The following KIRREL3 variants were observed in gnomAD, a reference collection of about 807,000 sequenced individuals.
The protein encoded by KIRREL3 is kirre like nephrin family adhesion molecule 3, also known as kin of IRRE-like protein 3.
KIRREL3 carries 36 observed loss-of-function variants against 89.7 expected under a neutral mutation model. The observed-to-expected ratio is 0.40, with a 90% CI of 0.31 to 0.53. KIRREL3 has a LOEUF of 0.53. Ranked by LOEUF, KIRREL3 falls within the 20% of genes least tolerant of loss-of-function variation. The probability of loss-of-function intolerance (pLI) is 0.49; values close to 1 mark genes in which losing one functional copy is unlikely to be tolerated. For missense variants in KIRREL3, 864 were observed against 1,056.6 expected (o/e 0.82, Z 2.53); for synonymous variants, 445 against 441.4 (o/e 1.01, Z -0.10).
At chr11:126,538,329 C>T (rs1356876594) in intron 2 of KIRREL3, among the ~76,000 whole-genome samples, 1 of 152,198 alleles carries the variant, frequency 6.6e-6, no homozygotes, top group Non-Finnish European at 1.5e-5. Flanking sequence ...CAGCCTGGAG[C>T]TTGTAAATTG....
In KIRREL3 at chr11:126,742,547, C is replaced by G. The variant is rs1434082605; in HGVS notation, c.56-179635G>C. 6.6e-6 allele frequency among the ~76,000 whole-genome samples: 1 copy of G among 152,162 alleles called. No individual in the cohort carries two copies. The highest frequency in any genetic ancestry group is 2.4e-5 in the African/African-American group (1 of 41,442). On this transcript the variant is annotated intron_variant, in intron 1 of 16. Coordinates refer to ENST00000525144, the MANE Select transcript of KIRREL3 (RefSeq NM_032531.4). This position sits in a 1 kb window ranked among gnomAD's most constrained non-coding sequence, Gnocchi z 5.3. ...AGAACTGGAAAGAACAAGAGATTTT[C>G]CCATAAAGCTCCCCTCACCATGGGC...
chr11:126,946,164 A>G lies in KIRREL3; in HGVS notation c.55+54291T>C, dbSNP rs1948614935. On this transcript the variant is annotated intron_variant, in intron 1 of 16. Coordinates refer to ENST00000525144, the MANE Select transcript of KIRREL3 (RefSeq NM_032531.4). The surrounding 1 kb of genome is among the most constrained non-coding windows in gnomAD (Gnocchi z 4.1). ...AAGGCTCAAGCCCCTTGTGAGAACA[A>G]GAACCCTAAGCTTAGATGCCAGAAT... 6.6e-6 allele frequency among the ~76,000 whole-genome samples: 1 copy of G among 152,178 alleles called. No homozygotes were observed. The highest frequency in any genetic ancestry group is 2.1e-4 in the South Asian group (1 of 4,826).
At chr11:126,479,010 C>T (rs1030739875) in intron 4 of KIRREL3, among the ~76,000 whole-genome samples, 1 of 152,154 alleles carries the variant, frequency 6.6e-6, no homozygotes, top group African/African-American at 2.4e-5. Flanking sequence ...CCTGTTTCTC[C>T]GTGGCTGCTG....
intron 1 of KIRREL3, among the ~76,000 whole-genome samples, chr11:126,933,306 T>G (rs1784346): frequency 0.43 from 64,958 of 151,540 alleles, 14,465 homozygotes; most frequent in Middle Eastern, 0.68. Context: ...CCTTGAAAAA[T>G]AAGTGAGTGA....
rs529088039 is a variant in KIRREL3, at chr11:126,466,504, C to A, written c.592-3197G>T. Among the ~76,000 whole-genome samples the A allele has an allele frequency of 6.6e-5, 10 of 152,342 alleles. No individual in the cohort carries two copies. The South Asian group carries it at 1.9e-3, about 28-fold the overall frequency. ...AGGGGGAAGGCTGGAGGGAGCCCTG[C>A]ACCTGCAGGACAGGGCGGGATGTGG... On this transcript the variant is annotated intron_variant, in intron 5 of 16. Transcript: ENST00000525144.
intron 1 of KIRREL3, among the ~76,000 whole-genome samples, chr11:126,869,831 G>T (rs1443397109): frequency 6.6e-6 from 1 of 152,198 alleles, no homozygotes; most frequent in Non-Finnish European, 1.5e-5. Flanking sequence ...CAGTTAAGCA[G>T]AAGAAAACTC....
rs1958709726 is a variant in KIRREL3, at chr11:126,525,145, C to G, written c.283+1393G>C. On this transcript the variant is annotated intron_variant, in intron 3 of 16. Transcript: ENST00000525144. This position sits in a 1 kb window ranked among gnomAD's most constrained non-coding sequence, Gnocchi z 5.4. Reference sequence around the variant, plus strand: ...CTGAGATGACCACCGTATGCACTATCCCTGCTGACCTGAGCCTCCTTTTGG... The same window carrying G: ...CTGAGATGACCACCGTATGCACTATGCCTGCTGACCTGAGCCTCCTTTTGG... Among the ~76,000 whole-genome samples, 1 of 152,138 alleles carries G rather than the reference C, an allele frequency of 6.6e-6. No homozygotes were observed. Among genetic ancestry groups the G allele is most frequent in the South Asian group, 2.1e-4 (1 of 4,830 alleles).
At chr11:126,634,827 G>A (rs980841950) in intron 1 of KIRREL3, among the ~76,000 whole-genome samples, 10 of 152,100 alleles carry the variant, frequency 6.6e-5, no homozygotes, top group African/African-American at 2.2e-4. Flanking sequence ...ACAGGTCTGC[G>A]CCCTCTCGGA....
At chr11:126,438,455 T>C (rs1955443325) in intron 11 of KIRREL3, among the ~76,000 whole-genome samples, 1 of 152,218 alleles carries the variant, frequency 6.6e-6, no homozygotes, top group Non-Finnish European at 1.5e-5. Context: ...CTCCCAGGCA[T>C]TGCAGGATGT....
chr11:126,645,122 GA>G lies in KIRREL3; in HGVS notation c.56-82211del, dbSNP rs1425817789. On this transcript the variant is annotated intron_variant, in intron 1 of 16. Coordinates refer to ENST00000525144, the MANE Select transcript of KIRREL3 (RefSeq NM_032531.4). This position sits in a 1 kb window ranked among gnomAD's most constrained non-coding sequence, Gnocchi z 4.9. Reference sequence around the variant, plus strand: ...ACAGCATATTCTGAATATATCGCAAGAGGGGTGCAGACTGGGCGTTATGAAG... The same window carrying G: ...ACAGCATATTCTGAATATATCGCAAGGGGGTGCAGACTGGGCGTTATGAAG... Among the ~76,000 whole-genome samples the G allele has an allele frequency of 6.6e-6, 1 of 152,190 alleles. No individual in the cohort carries two copies. The highest frequency in any genetic ancestry group is 1.5e-5 in the Non-Finnish European group (1 of 68,046).
At chr11:126,831,442 T>TCTCTCTCTCTC (rs1943605389) in intron 1 of KIRREL3, among the ~76,000 whole-genome samples, 1 of 151,728 alleles carries the variant, frequency 6.6e-6, no homozygotes, top group Non-Finnish European at 1.5e-5. Flanking sequence ...TCTTTCTCTC[T>TCTCTCTCTCTC]CTCTCTCTCT....
At chr11:126,585,032 C>G (rs1941755330) in intron 1 of KIRREL3, among the ~76,000 whole-genome samples, 1 of 151,876 alleles carries the variant, frequency 6.6e-6, no homozygotes, top group Non-Finnish European at 1.5e-5. Flanking sequence ...CATTCTCCTG[C>G]CTCAGCCTCC....
rs1459366582 is a variant in KIRREL3, at chr11:126,579,567, CAG to C, written c.56-16657_56-16656del. Among the ~76,000 whole-genome samples, 1 of 151,992 alleles carries C rather than the reference CAG, an allele frequency of 6.6e-6. No homozygotes were observed. Among genetic ancestry groups the C allele is most frequent in the Non-Finnish European group, 1.5e-5 (1 of 68,022 alleles). ...CAGTGGAAGAGGAGAACTGGGGAGA[CAG>C]AGAGTGAGAAAAGGGGCAGAAAAAA... On this transcript the variant is annotated intron_variant, in intron 1 of 16. Coordinates refer to ENST00000525144, the MANE Select transcript of KIRREL3 (RefSeq NM_032531.4). This position sits in a 1 kb window ranked among gnomAD's most constrained non-coding sequence, Gnocchi z 5.3.
chr11:126,440,937 G>A (rs970356155), intron 10 of KIRREL3: 3 of 257,484 alleles, frequency 1.2e-5, no homozygotes, highest in Non-Finnish European at 2.3e-5. Flanking sequence ...GGGGTGGGGA[G>A]GTGTCTAGAT....
chr11:126,780,594 G>A lies in KIRREL3; in HGVS notation c.56-217682C>T, dbSNP rs1368354571. On this transcript the variant is annotated intron_variant, in intron 1 of 16. Transcript: ENST00000525144. This position sits in a 1 kb window ranked among gnomAD's most constrained non-coding sequence, Gnocchi z 5.3. ...CCTCTTGACAGAACATCAAGCTTGG[G>A]GGATGTCCCATGCAAAGGTAAACGA... 6.6e-6 allele frequency among the ~76,000 whole-genome samples: 1 copy of A among 152,110 alleles called. No homozygotes were observed. Among genetic ancestry groups the A allele is most frequent in the African/African-American group, 2.4e-5 (1 of 41,422 alleles).
rs1369889203 is a variant in KIRREL3, at chr11:126,557,074, G to A, written c.133+5761C>T. ...TGTGGCCCTTAGCGCGAGCCAGACTGTACGGCTGCAACAGAGTGAGAAGTG... is the reference window on the plus strand; with the variant it reads ...TGTGGCCCTTAGCGCGAGCCAGACTATACGGCTGCAACAGAGTGAGAAGTG... On this transcript the variant is annotated intron_variant, in intron 2 of 16. Coordinates refer to ENST00000525144, the MANE Select transcript of KIRREL3 (RefSeq NM_032531.4). This position sits in a 1 kb window ranked among gnomAD's most constrained non-coding sequence, Gnocchi z 5.6. 6.6e-6 allele frequency among the ~76,000 whole-genome samples: 1 copy of A among 152,196 alleles called. No homozygotes were observed. Among genetic ancestry groups the A allele is most frequent in the African/African-American group, 2.4e-5 (1 of 41,436 alleles).
chr11:126,859,943 A>G (rs1223032252), intron 1 of KIRREL3, among the ~76,000 whole-genome samples: 1 of 152,142 alleles, frequency 6.6e-6, no homozygotes, highest in African/African-American at 2.4e-5. Context: ...TTGAAAACCA[A>G]TCTTTTCTTT....
rs1949949341 is a variant in KIRREL3 at position 126,769,407 on chromosome 11, C to T, written c.56-206495G>A. Reference sequence around the variant, plus strand: ...TCTCACAAATCCTGCAATATCTGTCCAAGTCAACATGAGACATTATTGGAT... The same window carrying T: ...TCTCACAAATCCTGCAATATCTGTCTAAGTCAACATGAGACATTATTGGAT... On this transcript the variant is annotated intron_variant, in intron 1 of 16. Transcript: ENST00000525144. The surrounding 1 kb of genome is among the most constrained non-coding windows in gnomAD (Gnocchi z 4.3). Among the ~76,000 whole-genome samples the T allele has an allele frequency of 6.6e-6, 1 of 152,060 alleles. No individual in the cohort carries two copies. The highest frequency in any genetic ancestry group is 6.5e-5 in the Admixed American group (1 of 15,270).
chr11:126,618,906 C>T (rs1943466142), intron 1 of KIRREL3, among the ~76,000 whole-genome samples: 1 of 152,202 alleles, frequency 6.6e-6, no homozygotes, highest in Non-Finnish European at 1.5e-5. Flanking sequence ...TTTGATCCTG[C>T]ATTGGTTCAC....
Sources: gnomAD v4.1 joint callset for allele counts (sites outside exome capture counted in the v4.1 genomes callset) on GRCh38, gnomAD v4.1.1 for gene constraint, Gnocchi (gnomAD v3.1) non-coding constraint, MANE v1.5 for transcripts, NCBI Gene and HGNC (gene_info 2026-07-23, HGNC 2026-07-21) for gene names.